FBXO42: variants seen among roughly 807,000 people sequenced by gnomAD.
FBXO42 encodes the protein F-box only protein 42.
Under a neutral mutation model 71.7 loss-of-function variants are expected in FBXO42, and 12 were observed. The observed-to-expected ratio is 0.17, with a 90% CI of 0.11 to 0.27. FBXO42 has a LOEUF of 0.27. FBXO42 is among the 10% of genes least tolerant of loss of function. The pLI, the probability that FBXO42 is intolerant of heterozygous loss-of-function variation, is 1.00. For synonymous variants in FBXO42, 325 were observed against 327.5 expected (o/e 0.99, Z 0.08); for missense variants, 707 against 911.9 (o/e 0.78, Z 2.89).
intron 4 of FBXO42, among the ~76,000 whole-genome samples, chr1:16,286,522 T>C (rs556802078): frequency 1.2e-4 from 19 of 152,302 alleles, no homozygotes; most frequent in African/African-American, 4.6e-4. Context: ...TACCTCCACC[T>C]GGTCCTGCCC....
chr1:16,265,155 G>A (rs1057398517), intron 4 of FBXO42, among the ~76,000 whole-genome samples: 8 of 152,184 alleles, frequency 5.3e-5, no homozygotes, highest in South Asian at 2.1e-4. Flanking sequence ...GTGAAATGGC[G>A]CAATCTCGGC....
chr1:16,276,215 C>T (rs2100488482), intron 4 of FBXO42, among the ~76,000 whole-genome samples: 1 of 151,738 alleles, frequency 6.6e-6, no homozygotes, highest in Non-Finnish European at 1.5e-5. Flanking sequence ...CCCCGTTCTA[C>T]TAAAAATACA....
intron 1 of FBXO42, among the ~76,000 whole-genome samples, chr1:16,345,198 C>T (rs552720249): frequency 2.7e-5 from 4 of 149,292 alleles, no homozygotes; most frequent in African/African-American, 4.9e-5. Context: ...CCAAGGCAGG[C>T]GGATCACGAG....
chr1:16,251,111 G>C lies in FBXO42; in HGVS notation c.1713C>G (p.Pro571=). Residue 571 remains proline, a synonymous_variant, in exon 10 of 10, where the codon CCC becomes CCG. Transcript: ENST00000375592. This position sits in a 1 kb window ranked among gnomAD's most constrained non-coding sequence, Gnocchi z 4.5. ...EAIKAMSSKG[P]SASAALSPPL... ...GAGGACTTAGTGCTGCAGAGGCCGA[G>C]GGGCCTTTGGAGGACATCGCTTTGA... is the stretch of plus-strand genomic sequence containing the variant. 3 of 1,614,174 alleles carry C rather than the reference G, an allele frequency of 1.9e-6. No individual in the cohort carries two copies. The highest frequency in any genetic ancestry group is 3.3e-5 in the Admixed American group (2 of 60,026).
At chr1:16,344,606 GATT>G (rs1279164863) in intron 1 of FBXO42, among the ~76,000 whole-genome samples, 4 of 151,452 alleles carry the variant, frequency 2.6e-5, no homozygotes, top group Admixed American at 2.6e-4. Flanking sequence ...AAAGTGCTGG[GATT>G]ACAGGCGTGA....
chr1:16,348,822 T>A lies in FBXO42; in HGVS notation c.-18+3433A>T, dbSNP rs138020651. Among the ~76,000 whole-genome samples, 521 of 152,314 alleles carry A rather than the reference T, an allele frequency of 3.4e-3. 2 individuals carry two copies. The highest frequency in any genetic ancestry group is 0.011 in the African/African-American group (461 of 41,566). On this transcript the variant is annotated intron_variant, in intron 1 of 9. Coordinates refer to ENST00000375592, the MANE Select transcript of FBXO42 (RefSeq NM_018994.3). ...GTTGGGAAAAAGGAGACAGTACTAA[T>A]AACCACCTATAATCAACATTGTAAG...
chr1:16,251,217 C>G lies in FBXO42; in HGVS notation c.1607G>C (p.Gly536Ala). 6.2e-7 allele frequency: 1 copy of G among 1,614,140 alleles called. No homozygotes were observed. The highest frequency in any genetic ancestry group is 1.7e-5 in the Admixed American group (1 of 60,022). The change falls in exon 10 of 10, where the codon GGT becomes GCT. Residue 536 changes from glycine (G) to alanine (A), a missense_variant. Physicochemically the swap from Gly to Ala is moderately conservative, Grantham distance 60. Coordinates refer to ENST00000375592, the MANE Select transcript of FBXO42 (RefSeq NM_018994.3). This position sits in a 1 kb window ranked among gnomAD's most constrained non-coding sequence, Gnocchi z 4.5. The part of the protein sequence containing the change: ...SMRHPPEQTN[G>A]VHTPPHVASA... Reference sequence around the variant, plus strand: ...GGCCACGTGAGGTGGGGTATGCACACCATTTGTCTGTTCAGGAGGGTGTCT... The same window carrying G: ...GGCCACGTGAGGTGGGGTATGCACAGCATTTGTCTGTTCAGGAGGGTGTCT...
chr1:16,336,018 C>A (rs933778610), intron 1 of FBXO42, among the ~76,000 whole-genome samples: 4 of 151,610 alleles, frequency 2.6e-5, no homozygotes, highest in Non-Finnish European at 4.4e-5. Context: ...TGCAACCTCA[C>A]TGAACACCTC....
rs573829938 is a variant in FBXO42, at chr1:16,316,670, G to T, written c.-17-1235C>A. Among the ~76,000 whole-genome samples, 128 of 146,274 alleles carry T rather than the reference G, an allele frequency of 8.8e-4. 1 individual carries two copies. In the Middle Eastern group the frequency reaches 0.011, roughly 12 times the overall value. On this transcript the variant is annotated intron_variant, in intron 1 of 9. Transcript: ENST00000375592. ...GAACTGCTTGAACCTGGGAGACAGA[G>T]GTTGCAGTGAGTCGAGATCATGCCA...
chr1:16,247,748 G>C lies in FBXO42; in HGVS notation c.*2922C>G, dbSNP rs1054360711. The C allele has an allele frequency of 1.3e-5, 2 of 152,206 alleles. No homozygotes were observed. Among genetic ancestry groups the C allele is most frequent in the South Asian group, 2.1e-4 (1 of 4,828 alleles). The allele number at this position is 152,206 out of a possible 1,614,324, so 9.4% of individuals were successfully genotyped here. A position where few individuals can be genotyped will look rare whatever the true frequency, so the allele number is the denominator to read the frequency against. On this transcript the variant is annotated 3_prime_UTR_variant, in exon 10 of 10. Transcript: ENST00000375592. ...ATTTGTGCTCCCAAAGTGTAGGGTA[G>C]GGTGAGGTTGTGGAGTCCACCAACC... is the stretch of plus-strand genomic sequence containing the variant.
intron 1 of FBXO42, among the ~76,000 whole-genome samples, chr1:16,335,556 G>A (rs2082545132): frequency 6.6e-6 from 1 of 151,914 alleles, no homozygotes. Flanking sequence ...ACTTCATGAT[G>A]CAAATCTGGA....
At chr1:16,332,435 A>G (rs1410632963) in intron 1 of FBXO42, among the ~76,000 whole-genome samples, 1 of 152,218 alleles carries the variant, frequency 6.6e-6, no homozygotes, top group East Asian at 1.9e-4. Flanking sequence ...TGACATTGCT[A>G]TATTGTGATT....
chr1:16,307,364 G>C (rs2082262965), intron 2 of FBXO42, among the ~76,000 whole-genome samples: 1 of 152,078 alleles, frequency 6.6e-6, no homozygotes, highest in African/African-American at 2.4e-5. Context: ...AGCCAGGCAT[G>C]GTGGTCTGCA....
At chr1:16,346,250 G>A (rs903431631) in intron 1 of FBXO42, among the ~76,000 whole-genome samples, 2 of 152,090 alleles carry the variant, frequency 1.3e-5, no homozygotes, top group Admixed American at 1.3e-4. Context: ...ATTTGAAAGT[G>A]CGTTTACCCC....
chr1:16,331,849 G>C (rs576716783), intron 1 of FBXO42, among the ~76,000 whole-genome samples: 1 of 151,740 alleles, frequency 6.6e-6, no homozygotes, highest in Non-Finnish European at 1.5e-5. Context: ...TCAGGAGTTC[G>C]AGACCAGCCT....
intron 3 of FBXO42, among the ~76,000 whole-genome samples, chr1:16,298,919 G>T (rs557293146): frequency 6.6e-6 from 1 of 152,290 alleles, no homozygotes; most frequent in South Asian, 2.1e-4. Flanking sequence ...ACGTCTCCCA[G>T]TTCCTCACAG....
At chr1:16,336,072 G>A (rs1340535445) in intron 1 of FBXO42, among the ~76,000 whole-genome samples, 1 of 151,350 alleles carries the variant, frequency 6.6e-6, no homozygotes, top group Non-Finnish European at 1.5e-5. Context: ...TAAGTTGCTG[G>A]GATTACAGGC....
chr1:16,285,138 C>T (rs2082008648), intron 4 of FBXO42, among the ~76,000 whole-genome samples: 1 of 151,908 alleles, frequency 6.6e-6, no homozygotes, highest in Non-Finnish European at 1.5e-5. Flanking sequence ...CTGCAAGACT[C>T]ATCTCAAAAA....
chr1:16,330,312 G>T (rs2082488528), intron 1 of FBXO42, among the ~76,000 whole-genome samples: 1 of 151,870 alleles, frequency 6.6e-6, no homozygotes, highest in Non-Finnish European at 1.5e-5. Context: ...CTTGAGCCCA[G>T]GAGTTCAAGA....
Sources: allele counts gnomAD v4.1 joint callset (sites outside exome capture counted in the v4.1 genomes callset), GRCh38; gene constraint gnomAD v4.1.1; non-coding constraint Gnocchi (gnomAD v3.1); transcripts MANE v1.5; gene names NCBI Gene and HGNC (gene_info 2026-07-23, HGNC 2026-07-21).